POGLUT3: variants seen among roughly 807,000 people sequenced by gnomAD.
POGLUT3 encodes KDEL (Lys-Asp-Glu-Leu) containing 2.
A neutral mutation model predicts 54.3 loss-of-function variants in POGLUT3; 48 were observed. The ratio of observed to expected loss-of-function variants is 0.88; its 90% CI spans 0.70 to 1.12. POGLUT3 has a LOEUF of 1.12. POGLUT3 is among the 50% of genes most tolerant of loss of function. The pLI is 0.00. For missense variants in POGLUT3, 629 were observed against 618.7 expected (o/e 1.02, Z -0.18); for synonymous variants, 218 against 237.4 (o/e 0.92, Z 0.75).
intron 2 of POGLUT3, among the ~76,000 whole-genome samples, chr11:108,488,272 G>C (rs775130264): frequency 6.6e-6 from 1 of 152,070 alleles, no homozygotes; most frequent in Non-Finnish European, 1.5e-5. Flanking sequence ...TGATCCACCT[G>C]CTTCGGTCTC....
Position 108,479,284 on chromosome 11 carries a change from A to C in POGLUT3, c.1293+17T>G. 1 of 1,568,200 alleles carries C rather than the reference A, an allele frequency of 6.4e-7. No individual in the cohort carries two copies. The highest frequency in any genetic ancestry group is 1.2e-5 in the South Asian group (1 of 84,310). On this transcript the variant is annotated intron_variant, in intron 6 of 7. Transcript: ENST00000323468. ...ATTTGTTATTGCTTAAAGAAATAAA[A>C]ATTGCTGGACGCATACCTTAGCCCA...
intron 2 of POGLUT3, among the ~76,000 whole-genome samples, chr11:108,488,027 T>C (rs1214915219): frequency 3.3e-5 from 5 of 152,058 alleles, no homozygotes; most frequent in African/African-American, 9.7e-5. Flanking sequence ...TTGTTGTTTT[T>C]GTTGTTGTTT....
intron 6 of POGLUT3, chr11:108,478,286 C>T (rs1031256585): frequency 4.6e-5 from 7 of 153,102 alleles, no homozygotes; most frequent in African/African-American, 1.7e-4. Context: ...TTCCACAGTA[C>T]TAGGAAGCCA....
At chr11:108,493,475 T>C (rs2093616574) in intron 1 of POGLUT3, among the ~76,000 whole-genome samples, 2 of 152,136 alleles carry the variant, frequency 1.3e-5, no homozygotes, top group African/African-American at 4.8e-5. Context: ...GGCATGAAAA[T>C]TCTCATTAGC....
chr11:108,477,586 G>C (rs1478425372), intron 7 of POGLUT3, 21 bp downstream of exon 7: 2 of 1,465,056 alleles, frequency 1.4e-6, no homozygotes, highest in Non-Finnish European at 1.9e-6. Flanking sequence ...CCAGCAGTGT[G>C]GACGGACACT....
intron 1 of POGLUT3, among the ~76,000 whole-genome samples, chr11:108,496,269 A>G (rs1431842022): frequency 6.6e-6 from 1 of 151,832 alleles, no homozygotes. Flanking sequence ...TGCAGTAGCT[A>G]TGACTGTACC....
chr11:108,474,833 T>A lies in POGLUT3; in HGVS notation c.1518A>T (p.Glu506Asp). ...QCHRKKPSRE[E>D]L ...AGTGTGATTCTGGGCTGACTCAAAG[T>A]TCTTCTCTTGAAGGCTTTTTCCTGT... is the stretch of plus-strand genomic sequence containing the variant. The change falls in exon 8 of 8, where the codon GAA (glutamate) becomes GAT (aspartate). Residue 506 changes from glutamate to aspartate, a missense_variant. Transcript: ENST00000323468. 1.2e-6 allele frequency: 2 copies of A among 1,614,076 alleles called. No homozygotes were observed.
intron 2 of POGLUT3, 43 bp from the exon 3 acceptor site, chr11:108,486,483 G>C (rs1453106509): frequency 1.3e-6 from 2 of 1,585,130 alleles, no homozygotes; most frequent in African/African-American, 2.7e-5. Flanking sequence ...CCATTAGCAA[G>C]CACCACAACA....
Position 108,474,154 on chromosome 11 carries a change from T to C in POGLUT3, c.*673A>G, listed in dbSNP as rs546485842. 12 of 152,234 alleles carry C rather than the reference T, an allele frequency of 7.9e-5. No homozygotes were observed. The East Asian group carries it at 1.9e-3, about 24-fold the overall frequency. 9.4% of individuals were successfully genotyped at this position (152,234 alleles called of 1,614,324 possible). Reference sequence around the variant, plus strand: ...AGGGGATAGAAATAAACCAATAAAATATGTAAACCAATAAATATGTAAACA... The same window carrying C: ...AGGGGATAGAAATAAACCAATAAAACATGTAAACCAATAAATATGTAAACA... On this transcript the variant is annotated 3_prime_UTR_variant, in exon 8 of 8. Transcript: ENST00000323468.
intron 1 of POGLUT3, among the ~76,000 whole-genome samples, chr11:108,493,287 A>G (rs1484276444): frequency 6.6e-6 from 1 of 152,242 alleles, no homozygotes; most frequent in Non-Finnish European, 1.5e-5. Context: ...GGAAATATAT[A>G]TTTTAAATGT....
At chr11:108,478,073 G>A (rs1278047097) in intron 6 of POGLUT3, 4 of 223,720 alleles carry the variant, frequency 1.8e-5, no homozygotes, top group South Asian at 5.9e-5. Flanking sequence ...CCTTGAACCC[G>A]GGAGGCAGAG....
rs376835344 is a variant in POGLUT3, at chr11:108,486,441, C to T, written c.401-1G>A. 3.1e-6 allele frequency: 5 copies of T among 1,610,304 alleles called. No homozygotes were observed. Among genetic ancestry groups the T allele is most frequent in the Middle Eastern group, 1.7e-4 (1 of 6,058 alleles). On this transcript the variant is annotated splice_acceptor_variant, in intron 2 of 7. Transcript: ENST00000323468. LOFTEE classifies it high-confidence loss of function. ...TCACAGTACTCATGGTACACTGGTC[C>T]TAGGGAAGGAAAACATGAAAAAGGC...
chr11:108,497,039 C>T (rs2093623446), intron 1 of POGLUT3, among the ~76,000 whole-genome samples: 1 of 152,184 alleles, frequency 6.6e-6, no homozygotes, highest in Non-Finnish European at 1.5e-5. Context: ...CAGTCTCTGG[C>T]AGTGCTTCAA....
intron 7 of POGLUT3, among the ~76,000 whole-genome samples, chr11:108,475,469 G>T (rs11212662): frequency 0.58 from 74,501 of 127,858 alleles, 22,331 homozygotes; most frequent in Middle Eastern, 0.75. Flanking sequence ...TTTTGTTTTT[G>T]TTTTTTTTTT....
chr11:108,495,910 C>T (rs1395640703), intron 1 of POGLUT3, among the ~76,000 whole-genome samples: 1 of 152,026 alleles, frequency 6.6e-6, no homozygotes, highest in Non-Finnish European at 1.5e-5. Flanking sequence ...AGGGGTAAAC[C>T]ATGCAGAATC....
chr11:108,481,715 C>T (rs189258279), intron 4 of POGLUT3, among the ~76,000 whole-genome samples: 15 of 99,690 alleles, frequency 1.5e-4, no homozygotes, highest in East Asian at 4.9e-4. Context: ...AATGTCGGAC[C>T]GTGTTCAAAG....
rs1250752810 is a variant in POGLUT3, at chr11:108,480,518, T to A, written c.1098+662A>T. On this transcript the variant is annotated intron_variant, in intron 5 of 7. Coordinates refer to ENST00000323468, the MANE Select transcript of POGLUT3 (RefSeq NM_153705.5). Reference sequence around the variant, plus strand: ...ATAAACCTCATTCTCTGAGTCCAAATCCCCTGTTCTACTCATTGTATCACT... The same window carrying A: ...ATAAACCTCATTCTCTGAGTCCAAAACCCCTGTTCTACTCATTGTATCACT... Among the ~76,000 whole-genome samples, 3 of 152,176 alleles carry A rather than the reference T, an allele frequency of 2.0e-5. No individual in the cohort carries two copies. In the East Asian group the frequency reaches 5.8e-4, roughly 29 times the overall value.
Position 108,486,354 on chromosome 11 carries a change from T to C in POGLUT3, c.487A>G (p.Ile163Val), listed in dbSNP as rs2093603375. The part of the protein sequence containing the change: ...TLSCPTKEPQ[I>V]AKDFASFPSI... Reference sequence around the variant, plus strand: ...GGAAAGGAAGCAAAATCTTTTGCAATCTGTGGTTCCTTGGTTGGACAAGAA... The same window carrying C: ...GGAAAGGAAGCAAAATCTTTTGCAACCTGTGGTTCCTTGGTTGGACAAGAA... The change falls in exon 3 of 8, where the codon ATT becomes GTT. Residue 163 changes from isoleucine to valine, a missense_variant. Coordinates refer to ENST00000323468, the MANE Select transcript of POGLUT3 (RefSeq NM_153705.5). 1.2e-6 allele frequency: 2 copies of C among 1,614,064 alleles called. No homozygotes were observed. The highest frequency in any genetic ancestry group is 8.5e-7 in the Non-Finnish European group (1 of 1,180,046).
chr11:108,480,406 T>G (rs1019710825), intron 5 of POGLUT3, among the ~76,000 whole-genome samples: 2 of 152,220 alleles, frequency 1.3e-5, no homozygotes, highest in Non-Finnish European at 2.9e-5. Context: ...GCATTAAACC[T>G]CATTCAATTA....
Sources: gnomAD v4.1 joint callset for allele counts (sites outside exome capture counted in the v4.1 genomes callset) on GRCh38, gnomAD v4.1.1 for gene constraint, MANE v1.5 for transcripts, NCBI Gene and HGNC (gene_info 2026-07-23, HGNC 2026-07-21) for gene names.